Variants in BNC2 observed in about 807,000 individuals in gnomAD.
BNC2 encodes zinc finger protein basonuclin-2.
BNC2 carries 20 observed loss-of-function variants against 76.3 expected under a neutral mutation model. That is an observed-to-expected ratio of 0.26 (90% CI 0.18 to 0.38). BNC2 has a LOEUF of 0.38. Ranked by LOEUF, BNC2 falls within the 10% of genes least tolerant of loss-of-function variation. The probability of loss-of-function intolerance (pLI) is 1.00; values close to 1 mark genes in which losing one functional copy is unlikely to be tolerated. For synonymous variants in BNC2, 582 were observed against 514.8 expected, an observed-to-expected ratio of 1.13 and a Z score of -1.77; for missense variants, 1,382 against 1,399.8, an observed-to-expected ratio of 0.99 and a Z score of 0.20.
At chr9:16,744,085 G>A (rs1454181843) in intron 1 of BNC2, among the ~76,000 whole-genome samples, 2 of 152,194 alleles carry the variant, frequency 1.3e-5, no homozygotes, top group Non-Finnish European at 2.9e-5. Context: ...TCCTACCTCA[G>A]CCTCCCGAGT....
intron 5 of BNC2, among the ~76,000 whole-genome samples, chr9:16,451,063 CTTT>C (rs1821329917): frequency 1.2e-4 from 4 of 33,274 alleles, no homozygotes; most frequent in African/African-American, 8.7e-4. Context: ...AAATCATTAA[CTTT>C]ATCTTTTAAG....
chr9:16,785,634 G>A (rs573326614), intron 1 of BNC2, among the ~76,000 whole-genome samples: 1 of 150,024 alleles, frequency 6.7e-6, no homozygotes, highest in South Asian at 2.1e-4. Context: ...CTGACCTCAG[G>A]TGATCGGCCC....
chr9:16,418,831 G>A lies in BNC2; in HGVS notation c.*158C>T. On this transcript the variant is annotated 3_prime_UTR_variant, in exon 7 of 7. Coordinates refer to ENST00000380672, the MANE Select transcript of BNC2 (RefSeq NM_017637.6). ...TAGTGTTTATCTTGTTTATCTCAAG[G>A]AAATACGTGTGTGTATATGTAGCCA... 1 of 799,826 alleles carries A rather than the reference G, an allele frequency of 1.3e-6. No individual in the cohort carries two copies. The highest frequency in any genetic ancestry group is 1.7e-5 in the South Asian group (1 of 59,530). The allele number at this position is 799,826 out of a possible 1,614,324, so 49.5% of individuals were successfully genotyped here. A position where few individuals can be genotyped will look rare whatever the true frequency, so the allele number is the denominator to read the frequency against.
chr9:16,536,650 T>G (rs950359018), intron 5 of BNC2, among the ~76,000 whole-genome samples: 1 of 152,140 alleles, frequency 6.6e-6, no homozygotes, highest in Non-Finnish European at 1.5e-5. Context: ...TGTATATATA[T>G]CCCATAAATA....
At chr9:16,455,382 T>G (rs1183784795) in intron 5 of BNC2, among the ~76,000 whole-genome samples, 1 of 152,248 alleles carries the variant, frequency 6.6e-6, no homozygotes, top group Non-Finnish European at 1.5e-5. Context: ...TATATCCATT[T>G]AATTCTTAAT....
chr9:16,796,030 AG>A (rs1407777777), intron 1 of BNC2, among the ~76,000 whole-genome samples: 1 of 152,204 alleles, frequency 6.6e-6, no homozygotes, highest in Non-Finnish European at 1.5e-5. Flanking sequence ...GCAGTCTCAA[AG>A]CTCTTAAATG....
At chr9:16,819,896 A>T (rs1340727818) in intron 1 of BNC2, among the ~76,000 whole-genome samples, 1 of 151,882 alleles carries the variant, frequency 6.6e-6, no homozygotes, top group Admixed American at 6.6e-5. Flanking sequence ...AGGGCAAGGC[A>T]GGAGGATCAC....
chr9:16,619,247 C>A (rs1341982957), intron 3 of BNC2, among the ~76,000 whole-genome samples: 1 of 152,048 alleles, frequency 6.6e-6, no homozygotes, highest in Non-Finnish European at 1.5e-5. Context: ...CAATGTTTTT[C>A]TCAAGAATAC....
intron 1 of BNC2, among the ~76,000 whole-genome samples, chr9:16,739,915 ACAG>A (rs766191119): frequency 5.3e-5 from 8 of 152,216 alleles, no homozygotes; most frequent in Non-Finnish European, 1.0e-4. Flanking sequence ...TATGGGGGGA[ACAG>A]CAGATCATGC....
At chr9:16,420,385 G>A (rs1176339456) in intron 6 of BNC2, among the ~76,000 whole-genome samples, 2 of 152,020 alleles carry the variant, frequency 1.3e-5, no homozygotes, top group African/African-American at 4.8e-5. Context: ...GCATTTTAGT[G>A]TCCAAAATAT....
Position 16,436,148 on chromosome 9 carries a change from C to A in BNC2, c.2046G>T (p.Met682Ile). 1 of 1,614,190 alleles carries A rather than the reference C, an allele frequency of 6.2e-7. No homozygotes were observed. Among genetic ancestry groups the A allele is most frequent in the Non-Finnish European group, 8.5e-7 (1 of 1,180,038 alleles). The change falls in exon 6 of 7, where the codon ATG (methionine) becomes ATT (isoleucine). Residue 682 changes from methionine (M) to isoleucine (I), a missense_variant. Met to Ile is a conservative substitution (Grantham distance 10). Coordinates refer to ENST00000380672, the MANE Select transcript of BNC2 (RefSeq NM_017637.6). Reference protein sequence around the residue: ...HDNHCHSQEEMSPGMSVKDFS... With the variant: ...HDNHCHSQEEISPGMSVKDFS... Reference sequence around the variant, plus strand: ...AGTCCTTCACAGACATGCCTGGGCTCATCTCCTCTTGGGAGTGACAATGAT... The same window carrying A: ...AGTCCTTCACAGACATGCCTGGGCTAATCTCCTCTTGGGAGTGACAATGAT...
At chr9:16,622,509 C>A (rs562444674) in intron 3 of BNC2, among the ~76,000 whole-genome samples, 10 of 152,284 alleles carry the variant, frequency 6.6e-5, no homozygotes, top group African/African-American at 2.4e-4. Context: ...ATCACAGGTA[C>A]ACTTGATTGC....
At position 16,420,700 on chromosome 9, in the gene BNC2, T is replaced by TA. The variant is rs1820692399; in HGVS notation, c.2640-1052_2640-1051insT. On this transcript the variant is annotated intron_variant, in intron 6 of 6. Transcript: ENST00000380672. ...GTATATACATACACATATACATATT[T>TA]TTTTACATATATATATATAAAGACA... Among the ~76,000 whole-genome samples the TA allele has an allele frequency of 5.0e-5, 7 of 138,996 alleles. No homozygotes were observed. In the East Asian group the frequency reaches 6.9e-4, roughly 14 times the overall value. 91.2% of individuals were successfully genotyped at this position (138,996 alleles called of 152,430 possible).
chr9:16,769,205 G>A (rs944657411), intron 1 of BNC2, among the ~76,000 whole-genome samples: 2 of 152,164 alleles, frequency 1.3e-5, no homozygotes, highest in African/African-American at 4.8e-5. Flanking sequence ...AAAACTAAGT[G>A]CGCTTTTTGT....
chr9:16,867,791 C>G (rs1819578392), intron 1 of BNC2: 2 of 150,488 alleles, frequency 1.3e-5, no homozygotes, highest in African/African-American at 2.4e-5. Flanking sequence ...TTCAGTCCCA[C>G]AAGGACTAAC....
At chr9:16,765,692 C>G (rs1184518606) in intron 1 of BNC2, among the ~76,000 whole-genome samples, 1 of 151,828 alleles carries the variant, frequency 6.6e-6, no homozygotes, top group Non-Finnish European at 1.5e-5. Context: ...TGAATGATGC[C>G]TTAATTAAAG....
At position 16,435,810 on chromosome 9, in the gene BNC2, T is replaced by C. The variant is rs140164412; in HGVS notation, c.2384A>G (p.Asn795Ser). 1.8e-5 allele frequency: 29 copies of C among 1,614,070 alleles called. No homozygotes were observed. In the African/African-American group the frequency reaches 2.4e-4, roughly 13 times the overall value. The change falls in exon 6 of 7, where the codon AAT (asparagine) becomes AGT (serine). Residue 795 changes from asparagine to serine, a missense_variant. Coordinates refer to ENST00000380672, the MANE Select transcript of BNC2 (RefSeq NM_017637.6). The stretch of plus-strand genomic sequence containing the variant: ...GGCGGCCATGCTGGCACCCCCACCA[T>C]TGTACAGTCCATACTGGCTCATGTA... ...MFYMSQYGLY[N>S]GGGASMAALH...
At chr9:16,723,793 T>G (rs796506418) in intron 3 of BNC2, among the ~76,000 whole-genome samples, 42 of 152,204 alleles carry the variant, frequency 2.8e-4, no homozygotes, top group African/African-American at 9.4e-4. Flanking sequence ...CTTTCTTGGT[T>G]TGCCCCTCAC....
chr9:16,798,095 G>A (rs537080183), intron 1 of BNC2, among the ~76,000 whole-genome samples: 11 of 152,292 alleles, frequency 7.2e-5, no homozygotes, highest in African/African-American at 2.4e-4. Context: ...CTGGAAGTGT[G>A]AAGGAAAAGT....
Sources: gnomAD v4.1 joint callset for allele counts (sites outside exome capture counted in the v4.1 genomes callset) on GRCh38, gnomAD v4.1.1 for gene constraint, MANE v1.5 for transcripts, NCBI Gene and HGNC (gene_info 2026-07-23, HGNC 2026-07-21) for gene names.